SLC4A4: variants seen among roughly 807,000 people sequenced by gnomAD.
SLC4A4 encodes the protein electrogenic sodium bicarbonate cotransporter 1.
In SLC4A4, 27 loss-of-function variants were observed where a neutral mutation model predicts 111.5. The ratio of observed to expected loss-of-function variants is 0.24; its 90% CI spans 0.18 to 0.33. The LOEUF (loss-of-function observed/expected upper bound fraction) is 0.33, where lower values mean the gene tolerates loss of function less well. SLC4A4 is among the 10% of genes least tolerant of loss of function. The probability of loss-of-function intolerance (pLI) is 1.00; values close to 1 mark genes in which losing one functional copy is unlikely to be tolerated. For missense variants in SLC4A4, 909 were observed against 1,315.5 expected (o/e 0.69, Z 4.78); for synonymous variants, 443 against 463.4 (o/e 0.96, Z 0.57).
intron 3 of SLC4A4, among the ~76,000 whole-genome samples, chr4:71,271,669 A>T (rs1455956437): frequency 6.6e-6 from 1 of 152,210 alleles, no homozygotes; most frequent in African/African-American, 2.4e-5. Flanking sequence ...CTAGGATTGT[A>T]TTCAAAATAA....
intron 6 of SLC4A4, among the ~76,000 whole-genome samples, chr4:71,391,798 C>T (rs1462052679): frequency 2.6e-5 from 4 of 151,866 alleles, no homozygotes; most frequent in African/African-American, 9.7e-5. Context: ...GACATTTTTA[C>T]ACCCTGGATT....
intron 20 of SLC4A4, among the ~76,000 whole-genome samples, chr4:71,553,846 A>T (rs1736243536): frequency 6.6e-6 from 1 of 151,898 alleles, no homozygotes; most frequent in Admixed American, 6.6e-5. Flanking sequence ...CCCAGCAGGA[A>T]CATCATCCCT....
intron 16 of SLC4A4, among the ~76,000 whole-genome samples, chr4:71,502,247 C>G (rs1731017802): frequency 6.6e-6 from 1 of 152,226 alleles, no homozygotes; most frequent in African/African-American, 2.4e-5. Context: ...TGGCGAGAGC[C>G]ACTGCACCCC....
intron 3 of SLC4A4, among the ~76,000 whole-genome samples, chr4:71,334,546 C>G (rs1014194572): frequency 6.6e-6 from 1 of 152,122 alleles, no homozygotes; most frequent in East Asian, 1.9e-4. Flanking sequence ...CACCCCAAGT[C>G]TCTTGGCTCT....
At chr4:71,243,722 C>A (rs1161035705) in intron 2 of SLC4A4, among the ~76,000 whole-genome samples, 1 of 152,100 alleles carries the variant, frequency 6.6e-6, no homozygotes, top group Non-Finnish European at 1.5e-5. Context: ...TTAAATAATT[C>A]ATTTCTCTGA....
chr4:71,157,587 T>C (rs1744513275), intron 2 of SLC4A4, among the ~76,000 whole-genome samples: 1 of 152,194 alleles, frequency 6.6e-6, no homozygotes, highest in South Asian at 2.1e-4. Context: ...AATGTACAAA[T>C]TCATAGCTCT....
At chr4:71,213,119 T>C (rs1484837823) in intron 1 of SLC4A4, among the ~76,000 whole-genome samples, 1 of 152,222 alleles carries the variant, frequency 6.6e-6, no homozygotes, top group Non-Finnish European at 1.5e-5. Context: ...TCTCTGATGT[T>C]CACACAATGA....
intron 7 of SLC4A4, among the ~76,000 whole-genome samples, chr4:71,413,286 A>T (rs1721545303): frequency 6.6e-6 from 1 of 152,184 alleles, no homozygotes; most frequent in Non-Finnish European, 1.5e-5. Context: ...TCCCTTGTAT[A>T]TCTCAGCCCT....
At chr4:71,110,195 G>A (rs1214578326) in intron 2 of SLC4A4, among the ~76,000 whole-genome samples, 1 of 151,984 alleles carries the variant, frequency 6.6e-6, no homozygotes, top group Non-Finnish European at 1.5e-5. Flanking sequence ...GTGGCCTAGT[G>A]TACATTTTAA....
chr4:71,213,429 T>C (rs1718248846), intron 1 of SLC4A4, among the ~76,000 whole-genome samples: 1 of 152,234 alleles, frequency 6.6e-6, no homozygotes, highest in East Asian at 1.9e-4. Flanking sequence ...GCTTTCAGGC[T>C]GGTGGGCTTG....
At chr4:71,393,653 A>G (rs1719521970) in intron 6 of SLC4A4, among the ~76,000 whole-genome samples, 1 of 151,992 alleles carries the variant, frequency 6.6e-6, no homozygotes, top group African/African-American at 2.4e-5. Flanking sequence ...TCACTGAGTT[A>G]GAAAAAAAAA....
intron 2 of SLC4A4, among the ~76,000 whole-genome samples, chr4:71,252,607 G>T (rs1290526204): frequency 1.3e-5 from 2 of 152,148 alleles, no homozygotes; most frequent in African/African-American, 4.8e-5. Flanking sequence ...TCCTCATCCA[G>T]GGAATATTGT....
chr4:71,128,355 T>A (rs1021238122), intron 2 of SLC4A4, among the ~76,000 whole-genome samples: 1 of 152,102 alleles, frequency 6.6e-6, no homozygotes, highest in Non-Finnish European at 1.5e-5. Flanking sequence ...CCCGCCCCCA[T>A]GATTCAGTCA....
At chr4:71,448,354 T>C (rs1210639366) in intron 9 of SLC4A4, among the ~76,000 whole-genome samples, 2 of 151,236 alleles carry the variant, frequency 1.3e-5, no homozygotes, top group African/African-American at 4.8e-5. Context: ...AAGGTCATTG[T>C]ATTAACTTAA....
intron 2 of SLC4A4, among the ~76,000 whole-genome samples, chr4:71,143,069 G>C (rs148622164): frequency 0.019 from 2,938 of 152,060 alleles, 116 homozygotes; most frequent in African/African-American, 0.067. Context: ...TTTAGCATTA[G>C]GTATATCTCC....
At chr4:71,230,728 G>T (rs1719364496) in intron 1 of SLC4A4, among the ~76,000 whole-genome samples, 2 of 152,212 alleles carry the variant, frequency 1.3e-5, no homozygotes, top group South Asian at 4.1e-4. Flanking sequence ...CTTGATCCAT[G>T]TGCAGCATCG....
intron 1 of SLC4A4, among the ~76,000 whole-genome samples, chr4:71,077,602 C>A (rs1741874876): frequency 6.6e-6 from 1 of 152,084 alleles, no homozygotes; most frequent in Non-Finnish European, 1.5e-5. Flanking sequence ...CTTGCTATAC[C>A]CATTTTGCCT....
intron 17 of SLC4A4, among the ~76,000 whole-genome samples, chr4:71,532,583 G>A (rs1304211209): frequency 1.3e-5 from 2 of 152,016 alleles, no homozygotes; most frequent in Admixed American, 6.6e-5. Context: ...TCAGCTCACT[G>A]CAACCTTTGC....
chr4:71,172,624 CTGAA>C (rs1744976840), intron 2 of SLC4A4, among the ~76,000 whole-genome samples: 1 of 152,216 alleles, frequency 6.6e-6, no homozygotes, highest in Non-Finnish European at 1.5e-5. Flanking sequence ...GTAAAAATTG[CTGAA>C]TGAAAAGAGA....
Sources: allele counts gnomAD v4.1 joint callset (sites outside exome capture counted in the v4.1 genomes callset), GRCh38; gene constraint gnomAD v4.1.1; transcripts MANE v1.5; gene names NCBI Gene and HGNC (gene_info 2026-07-23, HGNC 2026-07-21).